The following ADA variants were observed in gnomAD, a reference collection of about 807,000 sequenced individuals.
The protein encoded by ADA is adenosine aminohydrolase.
In ADA, 45 loss-of-function variants were observed where a neutral mutation model predicts 49.0. That is an observed-to-expected ratio of 0.92 (90% CI 0.72 to 1.18). ADA has a LOEUF of 1.18. Among genes scored for constraint, ADA ranks in the 50% most tolerant of loss-of-function variants. ADA has a pLI of 0.00. For missense variants in ADA, 445 were observed against 472.5 expected (o/e 0.94, Z 0.54); for synonymous variants, 173 against 184.2 (o/e 0.94, Z 0.49).
At chr20:44,649,005 G>A (rs919332026) in intron 1 of ADA, among the ~76,000 whole-genome samples, 4 of 152,084 alleles carry the variant, frequency 2.6e-5, no homozygotes, top group Non-Finnish European at 5.9e-5. Context: ...CAGGAGGTTT[G>A]CACCTGGGGC....
At chr20:44,650,551 C>CTGAG (rs2065634677) in intron 1 of ADA, among the ~76,000 whole-genome samples, 2 of 151,918 alleles carry the variant, frequency 1.3e-5, no homozygotes, top group Non-Finnish European at 2.9e-5. Flanking sequence ...CCTCAGCCTC[C>CTGAG]TGAGTAGCTG....
intron 1 of ADA, among the ~76,000 whole-genome samples, chr20:44,646,588 C>T (rs962387251): frequency 4.6e-5 from 7 of 152,038 alleles, no homozygotes; most frequent in African/African-American, 1.7e-4. Context: ...GTACAAAAAC[C>T]AATCAGCATG....
Position 44,619,715 on chromosome 20 carries a change from G to T in ADA, c.*119C>A. 1.5e-6 allele frequency: 2 copies of T among 1,333,054 alleles called. No individual in the cohort carries two copies. The highest frequency in any genetic ancestry group is 2.2e-6 in the Non-Finnish European group (2 of 927,668). 82.6% of individuals were successfully genotyped at this position (1,333,054 alleles called of 1,614,324 possible). ...AGAAATGGACACATAGGGTTCAGGA[G>T]CATCAGTAACTGACTATTGAGATCA... On this transcript the variant is annotated 3_prime_UTR_variant, in exon 12 of 12. Transcript: ENST00000372874.
chr20:44,631,459 C>T (rs1376847096), intron 2 of ADA, among the ~76,000 whole-genome samples: 3 of 152,154 alleles, frequency 2.0e-5, no homozygotes, highest in Non-Finnish European at 2.9e-5. Flanking sequence ...TAACTGTGGC[C>T]GCTGAAGAGC....
At chr20:44,625,796 C>G in intron 4 of ADA, 112 bp from the exon 5 acceptor site, 1 of 812,930 alleles carries the variant, frequency 1.2e-6, no homozygotes, top group South Asian at 1.5e-5. Flanking sequence ...CCCTCCTCCC[C>G]CACTGACCCA....
chr20:44,625,818 G>A, intron 4 of ADA, 134 bp from the exon 5 acceptor site: 1 of 732,060 alleles, frequency 1.4e-6, no homozygotes, highest in East Asian at 2.7e-5. Context: ...TGCCTCAGAG[G>A]AAAGACTGGC....
At chr20:44,639,602 G>A (rs1251878090) in intron 1 of ADA, among the ~76,000 whole-genome samples, 1 of 152,052 alleles carries the variant, frequency 6.6e-6, no homozygotes, top group Admixed American at 6.5e-5. Context: ...TAGTAGAGAT[G>A]GGGTTTCACC....
At chr20:44,649,581 C>T (rs2065622734) in intron 1 of ADA, among the ~76,000 whole-genome samples, 1 of 150,692 alleles carries the variant, frequency 6.6e-6, no homozygotes, top group Admixed American at 6.6e-5. Context: ...CTGAGCAAGG[C>T]CAAAAAATGG....
chr20:44,641,749 T>C (rs1261436273), intron 1 of ADA, among the ~76,000 whole-genome samples: 1 of 151,664 alleles, frequency 6.6e-6, no homozygotes, highest in Non-Finnish European at 1.5e-5. Context: ...AAGTATTTAT[T>C]CATTTATTTA....
chr20:44,630,053 G>A (rs2065419814), intron 2 of ADA, among the ~76,000 whole-genome samples: 1 of 151,146 alleles, frequency 6.6e-6, no homozygotes, highest in Admixed American at 6.6e-5. Flanking sequence ...ATTAAGAAAT[G>A]CTTCTAGGCT....
At position 44,622,823 on chromosome 20, in the gene ADA, G is replaced by A. The variant is rs774759287; in HGVS notation, c.780+6C>T. ...ATGGTTCCTCCCCACTCCCTGGCCC[G>A]CTTACCTCGAAGTGCATGTTTTCCT... On this transcript the variant is annotated splice_donor_region_variant and intron_variant, in intron 8 of 11. Coordinates refer to ENST00000372874, the MANE Select transcript of ADA (RefSeq NM_000022.4). 12 of 1,614,088 alleles carry A rather than the reference G, an allele frequency of 7.4e-6. No individual in the cohort carries two copies. Among genetic ancestry groups the A allele is most frequent in the Middle Eastern group, 1.6e-4 (1 of 6,084 alleles).
chr20:44,645,414 A>T (rs896634113), intron 1 of ADA, among the ~76,000 whole-genome samples: 1 of 151,822 alleles, frequency 6.6e-6, no homozygotes, highest in Non-Finnish European at 1.5e-5. Context: ...GACTACTTCA[A>T]GGACAGCCAT....
At chr20:44,638,590 T>A (rs184113212) in intron 1 of ADA, among the ~76,000 whole-genome samples, 230 of 151,918 alleles carry the variant, frequency 1.5e-3, no homozygotes, top group Middle Eastern at 3.4e-3. Flanking sequence ...AAATAAAAAA[T>A]AAGAATAAAA....
chr20:44,649,730 C>CTTT lies in ADA; in HGVS notation c.33+1842_33+1844dup, dbSNP rs755647195. Among the ~76,000 whole-genome samples, 677 of 81,880 alleles carry CTTT rather than the reference C, an allele frequency of 8.3e-3. 30 individuals are homozygous for CTTT. Among genetic ancestry groups the CTTT allele is most frequent in the African/African-American group, 0.025 (500 of 19,946 alleles). 53.7% of individuals were successfully genotyped at this position (81,880 alleles called of 152,430 possible). On this transcript the variant is annotated intron_variant, in intron 1 of 11. Transcript: ENST00000372874. ...CCCAACATGTTCGCAATCAAGGAGCCTTTTTTTTTTTTTTTTTTTTTTTGA... is the reference window on the plus strand; with the variant it reads ...CCCAACATGTTCGCAATCAAGGAGCCTTTTTTTTTTTTTTTTTTTTTTTTTTGA...
At chr20:44,636,102 G>T in intron 2 of ADA, 125 bp downstream of exon 2, 1 of 924,170 alleles carries the variant, frequency 1.1e-6, no homozygotes, top group Non-Finnish European at 1.7e-6. Context: ...CTGGCCTGGA[G>T]CTGGCTTGAT....
chr20:44,619,541 G>C lies in ADA; in HGVS notation c.*293C>G. On this transcript the variant is annotated 3_prime_UTR_variant, in exon 12 of 12. Coordinates refer to ENST00000372874, the MANE Select transcript of ADA (RefSeq NM_000022.4). Reference sequence around the variant, plus strand: ...ACCTGCTGCATGCCACCAGCCATGGGCTTCTTTATTGAGCACCAGATTTTC... The same window carrying C: ...ACCTGCTGCATGCCACCAGCCATGGCCTTCTTTATTGAGCACCAGATTTTC... The C allele has an allele frequency of 2.3e-6, 1 of 425,708 alleles. No individual in the cohort carries two copies. The highest frequency in any genetic ancestry group is 4.4e-6 in the Non-Finnish European group (1 of 228,400). The allele number at this position is 425,708 out of a possible 1,614,324, so 26.4% of individuals were successfully genotyped here.
chr20:44,639,490 G>A (rs1056834325), intron 1 of ADA, among the ~76,000 whole-genome samples: 1 of 152,106 alleles, frequency 6.6e-6, no homozygotes, highest in Non-Finnish European at 1.5e-5. Context: ...TCAGCTCACG[G>A]AAACCTCCAC....
At chr20:44,636,327 G>C in intron 1 of ADA, 39 bp from the exon 2 acceptor site, 1 of 1,514,516 alleles carries the variant, frequency 6.6e-7, no homozygotes, top group Non-Finnish European at 9.1e-7. Flanking sequence ...GAAAGGGAGA[G>C]AGAGAACAAA....
At position 44,644,568 on chromosome 20, in the gene ADA, G is replaced by A. The variant is rs1220081474; in HGVS notation, c.33+7007C>T. On this transcript the variant is annotated intron_variant, in intron 1 of 11. Transcript: ENST00000372874. ...GAGCCACAGGTGCCCACTGCCAATC[G>A]AATGTCCCCTCCCTCCCTAGCCCTG... Among the ~76,000 whole-genome samples the A allele has an allele frequency of 2.6e-5, 4 of 152,196 alleles. No individual in the cohort carries two copies. The South Asian group carries it at 6.2e-4, about 24-fold the overall frequency.
Sources: allele counts gnomAD v4.1 joint callset (sites outside exome capture counted in the v4.1 genomes callset), GRCh38; gene constraint gnomAD v4.1.1; transcripts MANE v1.5; gene names NCBI Gene and HGNC (gene_info 2026-07-23, HGNC 2026-07-21).